ZNF487: variants seen among roughly 807,000 people sequenced by gnomAD.
ZNF487 encodes KRAB domain only 1.
A neutral mutation model predicts 3.0 loss-of-function variants in ZNF487; 4 were observed. That is an observed-to-expected ratio of 1.35 (90% CI 0.66 to 3.08). ZNF487 has a LOEUF of 3.08. Among genes scored for constraint, ZNF487 ranks in the 30% most tolerant of loss-of-function variants. The pLI, the probability that ZNF487 is intolerant of heterozygous loss-of-function variation, is 0.01. For synonymous variants in ZNF487, 55 were observed against 34.6 expected, an observed-to-expected ratio of 1.59 and a Z score of -2.06; for missense variants, 146 against 98.7, an observed-to-expected ratio of 1.48 and a Z score of -2.03.
At chr10:43,504,789 C>T in the ZNF487 span, among the ~76,000 whole-genome samples, 1 of 151,268 alleles carries the variant, frequency 6.6e-6, no homozygotes, top group Admixed American at 6.6e-5. Flanking sequence ...TCCCTGCAAC[C>T]TCTGCCTCCT....
At chr10:43,465,676 C>T (rs1484978961) in intron 1 of ZNF487, among the ~76,000 whole-genome samples, 1 of 150,984 alleles carries the variant, frequency 6.6e-6, no homozygotes, top group Non-Finnish European at 1.5e-5. Context: ...GGATGGCGGG[C>T]GGGCAGAGAC....
At chr10:43,502,454 A>G in the ZNF487 span, among the ~76,000 whole-genome samples, 2 of 152,248 alleles carry the variant, frequency 1.3e-5, no homozygotes, top group Non-Finnish European at 1.5e-5. Context: ...GCACACCAAC[A>G]TGGCACATGT....
At chr10:43,448,970 G>A (rs1219762265) in intron 1 of ZNF487, among the ~76,000 whole-genome samples, 2 of 148,810 alleles carry the variant, frequency 1.3e-5, no homozygotes, top group Non-Finnish European at 3.0e-5. Flanking sequence ...CTCCAGGCTG[G>A]GTGACAGAGT....
At chr10:43,442,283 GAAAA>G (rs1223968495) in intron 1 of ZNF487, among the ~76,000 whole-genome samples, 1 of 136,826 alleles carries the variant, frequency 7.3e-6, no homozygotes, top group African/African-American at 3.0e-5. Context: ...AAAAAACAAA[GAAAA>G]AAACTCTTGC....
chr10:43,450,630 G>A (rs932545527), intron 1 of ZNF487, among the ~76,000 whole-genome samples: 3 of 152,156 alleles, frequency 2.0e-5, no homozygotes, highest in Non-Finnish European at 2.9e-5. Flanking sequence ...GATTATAGGC[G>A]TGAGCCACCA....
the ZNF487 span, among the ~76,000 whole-genome samples, chr10:43,490,696 T>A: frequency 2.8e-5 from 4 of 143,904 alleles, no homozygotes; most frequent in African/African-American, 1.1e-4. Flanking sequence ...TTTTTTGAGA[T>A]GGAATTTCAC....
chr10:43,504,166 T>C, the ZNF487 span, among the ~76,000 whole-genome samples: 1 of 152,170 alleles, frequency 6.6e-6, no homozygotes, highest in Non-Finnish European at 1.5e-5. Context: ...TACATTTAAA[T>C]TGATTATTGA....
At chr10:43,468,362 C>T (rs1840778780) in intron 1 of ZNF487, among the ~76,000 whole-genome samples, 1 of 152,074 alleles carries the variant, frequency 6.6e-6, no homozygotes, top group Non-Finnish European at 1.5e-5. Context: ...AACAGCATCT[C>T]ATGCTACAGA....
Position 43,437,151 on chromosome 10 carries a change from A to G in ZNF487, c.-205A>G. 1 of 287,334 alleles carries G rather than the reference A, an allele frequency of 3.5e-6. No homozygotes were observed. The highest frequency in any genetic ancestry group is 6.8e-6 in the Non-Finnish European group (1 of 146,028). The allele number at this position is 287,334 out of a possible 1,614,324, so 17.8% of individuals were successfully genotyped here. On this transcript the variant is annotated 5_prime_UTR_variant, in exon 1 of 4. Coordinates refer to ENST00000437590, the MANE Select transcript of ZNF487 (RefSeq NM_001355444.3). ...AGTTTCCATGGTGAGATGGTCAACA[A>G]GCCTGTAAGTTCCTCAGCTACGACT...
chr10:43,471,584 G>A (rs1454586863), intron 1 of ZNF487, among the ~76,000 whole-genome samples: 1 of 152,182 alleles, frequency 6.6e-6, no homozygotes, highest in Non-Finnish European at 1.5e-5. Context: ...GGATGGTGAA[G>A]TCAGAGAATT....
chr10:43,459,316 G>A (rs182720534), intron 1 of ZNF487, among the ~76,000 whole-genome samples: 66 of 151,854 alleles, frequency 4.3e-4, no homozygotes, highest in Middle Eastern at 6.8e-3. Flanking sequence ...TTCATCCTCC[G>A]CCTCCCAGGT....
At chr10:43,503,013 G>A in the ZNF487 span, among the ~76,000 whole-genome samples, 1 of 125,008 alleles carries the variant, frequency 8.0e-6, no homozygotes, top group East Asian at 2.4e-4. Context: ...CTGGGAGACA[G>A]TGAGACCCTG....
At chr10:43,461,319 T>G (rs1317489601) in intron 1 of ZNF487, among the ~76,000 whole-genome samples, 1 of 2,068 alleles carries the variant, frequency 4.8e-4, no homozygotes, top group East Asian at 0.071. Context: ...GTCTTTTGTT[T>G]TTTTTTTTTT....
chr10:43,441,434 T>C (rs769064364), intron 1 of ZNF487, among the ~76,000 whole-genome samples: 3 of 151,586 alleles, frequency 2.0e-5, no homozygotes, highest in Non-Finnish European at 2.9e-5. Context: ...CCCGGCTAAT[T>C]TTTTGTATTT....
chr10:43,458,285 A>G (rs1840295204), intron 1 of ZNF487, among the ~76,000 whole-genome samples: 1 of 152,210 alleles, frequency 6.6e-6, no homozygotes, highest in Non-Finnish European at 1.5e-5. Context: ...AGACATCAAT[A>G]TATGTAAGAT....
the ZNF487 span, among the ~76,000 whole-genome samples, chr10:43,496,309 T>A: frequency 6.6e-6 from 1 of 152,188 alleles, no homozygotes. Context: ...CTGGAAACTT[T>A]TTTCCCCTCT....
chr10:43,437,285 G>A (rs1589014228), intron 1 of ZNF487, 23 bp downstream of exon 1: 1 of 210,618 alleles, frequency 4.7e-6, no homozygotes, highest in East Asian at 1.9e-4. Flanking sequence ...CGGCGGGCAG[G>A]GGCCGGGTCT....
chr10:43,488,756 T>G, the ZNF487 span, among the ~76,000 whole-genome samples: 19 of 152,254 alleles, frequency 1.2e-4, no homozygotes, highest in Admixed American at 1.1e-3. Context: ...TCAATATATA[T>G]TCACTGAATA....
the ZNF487 span, among the ~76,000 whole-genome samples, chr10:43,490,956 G>A: frequency 7.3e-6 from 1 of 137,000 alleles, no homozygotes; most frequent in Non-Finnish European, 1.5e-5. Context: ...TTACAGGCAT[G>A]AGCCACCATG....
Sources: gnomAD v4.1 joint callset for allele counts (sites outside exome capture counted in the v4.1 genomes callset) on GRCh38, gnomAD v4.1.1 for gene constraint, MANE v1.5 for transcripts, NCBI Gene and HGNC (gene_info 2026-07-23, HGNC 2026-07-21) for gene names.